Variants in DIS3L2 observed in about 807,000 individuals in gnomAD.
The protein encoded by DIS3L2 is DIS3 like 3'-5' exoribonuclease 2.
Under a neutral mutation model 97.5 loss-of-function variants are expected in DIS3L2, and 34 were observed. That is an observed-to-expected ratio of 0.35 (90% CI 0.27 to 0.46). The LOEUF (loss-of-function observed/expected upper bound fraction) is 0.46, where lower values mean the gene tolerates loss of function less well. Among genes scored for constraint, DIS3L2 ranks in the 20% least tolerant of loss-of-function variants. The pLI is 1.00. For synonymous variants in DIS3L2, 435 were observed against 445.2 expected, an observed-to-expected ratio of 0.98 and a Z score of 0.29; for missense variants, 1,038 against 1,146.0, an observed-to-expected ratio of 0.91 and a Z score of 1.36.
intron 8 of DIS3L2, among the ~76,000 whole-genome samples, chr2:232,157,140 T>A (rs186453876): frequency 1.3e-5 from 2 of 152,306 alleles, no homozygotes; most frequent in African/African-American, 4.8e-5. Flanking sequence ...CCTTTTAATA[T>A]CAGTCAGGGT....
chr2:232,052,994 G>C (rs975099459), intron 5 of DIS3L2, among the ~76,000 whole-genome samples: 1 of 152,070 alleles, frequency 6.6e-6, no homozygotes, highest in East Asian at 1.9e-4. Flanking sequence ...ACTCTTCTAG[G>C]GCTTTGATAA....
intron 11 of DIS3L2, among the ~76,000 whole-genome samples, chr2:232,246,062 C>G (rs563791173): frequency 6.6e-6 from 1 of 152,216 alleles, no homozygotes; most frequent in Admixed American, 6.5e-5. Flanking sequence ...CTGGCCCTTG[C>G]TCCTGAGGTT....
intron 9 of DIS3L2, among the ~76,000 whole-genome samples, chr2:232,199,017 C>T (rs1474773669): frequency 6.6e-5 from 10 of 152,108 alleles, no homozygotes; most frequent in Non-Finnish European, 1.5e-4. Context: ...GTCTCCTCCC[C>T]GTGGAAATCT....
intron 7 of DIS3L2, among the ~76,000 whole-genome samples, chr2:232,132,333 G>A (rs73003125): frequency 0.015 from 2,289 of 152,240 alleles, 21 homozygotes; most frequent in Non-Finnish European, 0.021. Flanking sequence ...TACTTTATAC[G>A]TTTCCGTGCT....
chr2:232,247,759 A>G (rs1693302231), intron 11 of DIS3L2, among the ~76,000 whole-genome samples: 1 of 151,990 alleles, frequency 6.6e-6, no homozygotes, highest in Non-Finnish European at 1.5e-5. Flanking sequence ...CTATTTTTAA[A>G]CAGGTGAAGA....
chr2:232,237,902 A>T, intron 10 of DIS3L2, among the ~76,000 whole-genome samples: 1 of 152,226 alleles, frequency 6.6e-6, no homozygotes, highest in East Asian at 1.9e-4. Context: ...CTGTTCAGGA[A>T]ATGGAAAGAG....
intron 9 of DIS3L2, among the ~76,000 whole-genome samples, chr2:232,175,968 C>T (rs896292700): frequency 2.0e-5 from 3 of 152,312 alleles, no homozygotes; most frequent in Admixed American, 1.3e-4. Context: ...CAACTTACTG[C>T]AACCTCCACT....
chr2:232,185,380 T>A (rs1397893067), intron 9 of DIS3L2, among the ~76,000 whole-genome samples: 3 of 152,190 alleles, frequency 2.0e-5, no homozygotes, highest in Admixed American at 6.5e-5. Flanking sequence ...AGGAAATTTT[T>A]AAAAAATATG....
chr2:232,018,471 T>C (rs1198745042), intron 3 of DIS3L2, among the ~76,000 whole-genome samples: 2 of 152,200 alleles, frequency 1.3e-5, no homozygotes, highest in African/African-American at 2.4e-5. Context: ...AAGATTTTCA[T>C]AGGCAGAGAA....
chr2:232,102,023 C>T (rs1416578635), intron 6 of DIS3L2, among the ~76,000 whole-genome samples: 1 of 152,188 alleles, frequency 6.6e-6, no homozygotes, highest in African/African-American at 2.4e-5. Context: ...ATTTGGTGGT[C>T]ACCAGTTTAA....
intron 5 of DIS3L2, among the ~76,000 whole-genome samples, chr2:232,079,715 C>G (rs1357649460): frequency 6.6e-6 from 1 of 151,556 alleles, no homozygotes; most frequent in Non-Finnish European, 1.5e-5. Flanking sequence ...GGAAGTGTCT[C>G]TGACAGGCAG....
At chr2:232,066,315 T>G (rs1695855946) in intron 5 of DIS3L2, among the ~76,000 whole-genome samples, 1 of 152,022 alleles carries the variant, frequency 6.6e-6, no homozygotes. Context: ...CCTTATAGTC[T>G]TAGTGGAATT....
intron 1 of DIS3L2, among the ~76,000 whole-genome samples, chr2:232,001,412 C>T (rs558202304): frequency 6.6e-6 from 1 of 151,994 alleles, no homozygotes; most frequent in Non-Finnish European, 1.5e-5. Flanking sequence ...TGTTTTCTTG[C>T]AATTGATTGT....
chr2:231,981,984 A>T (rs936940963), intron 1 of DIS3L2, among the ~76,000 whole-genome samples: 3 of 151,182 alleles, frequency 2.0e-5, no homozygotes, highest in Non-Finnish European at 4.4e-5. Flanking sequence ...TGGAGCTGAG[A>T]TTGTGCCACT....
intron 3 of DIS3L2, among the ~76,000 whole-genome samples, chr2:232,016,754 T>G (rs534225345): frequency 2.0e-5 from 3 of 152,286 alleles, no homozygotes; most frequent in South Asian, 2.1e-4. Context: ...TTCATTAGTA[T>G]AGAAATATTG....
At chr2:232,157,510 A>G (rs182913438) in intron 8 of DIS3L2, among the ~76,000 whole-genome samples, 2 of 152,360 alleles carry the variant, frequency 1.3e-5, no homozygotes, top group African/African-American at 4.8e-5. Flanking sequence ...ATTACAAACA[A>G]TGTTGAGTGC....
chr2:232,262,355 T>A (rs1693734413), intron 12 of DIS3L2, among the ~76,000 whole-genome samples: 1 of 152,234 alleles, frequency 6.6e-6, no homozygotes, highest in Non-Finnish European at 1.5e-5. Context: ...TAATACATAT[T>A]TATTATACAA....
At chr2:232,287,590 G>A (rs183609700) in intron 13 of DIS3L2, among the ~76,000 whole-genome samples, 52 of 151,934 alleles carry the variant, frequency 3.4e-4, no homozygotes, top group African/African-American at 1.2e-3. Flanking sequence ...CGGAGGTCTC[G>A]CTCTGTTGCC....
intron 3 of DIS3L2, among the ~76,000 whole-genome samples, chr2:232,018,751 C>T (rs1193563985): frequency 6.6e-6 from 1 of 151,550 alleles, no homozygotes; most frequent in Non-Finnish European, 1.5e-5. Flanking sequence ...GTTTTCAATA[C>T]CTTAACTAAT....
Sources: gnomAD v4.1 joint callset for allele counts (sites outside exome capture counted in the v4.1 genomes callset) on GRCh38, gnomAD v4.1.1 for gene constraint, MANE v1.5 for transcripts, NCBI Gene and HGNC (gene_info 2026-07-23, HGNC 2026-07-21) for gene names.